Variants in CCDC51 observed in about 807,000 individuals in gnomAD.
CCDC51 encodes coiled-coil domain containing 51, also known as mitochondrial potassium channel.
A neutral mutation model predicts 24.8 loss-of-function variants in CCDC51; 25 were observed. The observed-to-expected ratio is 1.01, with a 90% CI of 0.73 to 1.41. The LOEUF (loss-of-function observed/expected upper bound fraction) is 1.41. CCDC51 is among the 40% of genes most tolerant of loss of function. The pLI, the probability that CCDC51 is intolerant of heterozygous loss-of-function variation, is 0.00. For synonymous variants in CCDC51, 190 were observed against 204.3 expected (o/e 0.93, Z 0.60); for missense variants, 466 against 519.1 (o/e 0.90, Z 0.99).
upstream of CCDC51, chr3:48,445,306 C>G (rs558740237): frequency 6.6e-6 from 1 of 152,126 alleles, no homozygotes; most frequent in East Asian, 1.9e-4. Flanking sequence ...TATGAGACTG[C>G]TAAATCAAAA....
Position 48,433,836 on chromosome 3 carries a change from G to A in CCDC51, c.348C>T (p.Val116=), listed in dbSNP as rs947495572. ...CTTCCAAGTCCTCCCGAGCCTCTCGGACAAGCCCTCGAGCCACCATGAACA... is the reference window on the plus strand; with the variant it reads ...CTTCCAAGTCCTCCCGAGCCTCTCGAACAAGCCCTCGAGCCACCATGAACA... ...EKVFMVARGL[V]REAREDLEVH... Residue 116 remains valine (V), a synonymous_variant, in exon 3 of 4, where the codon GTC becomes GTT. Coordinates refer to ENST00000395694, the MANE Select transcript of CCDC51 (RefSeq NM_001256964.2). This position sits in a 1 kb window ranked among gnomAD's most constrained non-coding sequence, Gnocchi z 4.4. 4 of 1,613,870 alleles carry A rather than the reference G, an allele frequency of 2.5e-6. No individual in the cohort carries two copies. The highest frequency in any genetic ancestry group is 3.4e-6 in the Non-Finnish European group (4 of 1,179,994).
chr3:48,439,413 C>A (rs751133991), intron 1 of CCDC51, among the ~76,000 whole-genome samples: 3 of 152,234 alleles, frequency 2.0e-5, no homozygotes, highest in Non-Finnish European at 4.4e-5. Context: ...GCGGGGGGAT[C>A]ACGAGGTCAG....
upstream of CCDC51, among the ~76,000 whole-genome samples, chr3:48,442,927 GAAC>G (rs1170080274): frequency 2.0e-5 from 3 of 151,866 alleles, no homozygotes; most frequent in Non-Finnish European, 4.4e-5. Context: ...TCACATACTT[GAAC>G]AACACCTAAC....
intron 1 of CCDC51, among the ~76,000 whole-genome samples, chr3:48,439,458 C>A (rs2039481732): frequency 6.6e-6 from 1 of 152,166 alleles, no homozygotes; most frequent in South Asian, 2.1e-4. Context: ...ATGGCGAAAC[C>A]CCGTCTCTAC....
upstream of CCDC51, chr3:48,443,957 C>G (rs1002334913): frequency 9.4e-7 from 1 of 1,064,782 alleles, no homozygotes; most frequent in Admixed American, 3.5e-5. Context: ...CCTGCCATAA[C>G]ATCTTTTGCC....
chr3:48,440,372 G>C (rs369588293), upstream of CCDC51: 18 of 1,611,834 alleles, frequency 1.1e-5, 1 homozygote, highest in Admixed American at 2.2e-4. Flanking sequence ...GGGCGGCAGG[G>C]GCAGGCCGAA....
chr3:48,440,528 T>C (rs755618284), upstream of CCDC51: 4 of 1,609,548 alleles, frequency 2.5e-6, no homozygotes, highest in South Asian at 3.3e-5. Flanking sequence ...GAACACGCTC[T>C]GCCTCTCCCC....
chr3:48,441,295 C>T (rs1339461398), upstream of CCDC51, among the ~76,000 whole-genome samples: 2 of 152,158 alleles, frequency 1.3e-5, no homozygotes, highest in East Asian at 3.9e-4. Flanking sequence ...CCACCCGCCT[C>T]AGCCTCCCAA....
chr3:48,439,326 C>A (rs2039473862), intron 1 of CCDC51, among the ~76,000 whole-genome samples: 1 of 152,252 alleles, frequency 6.6e-6, no homozygotes, highest in African/African-American at 2.4e-5. Flanking sequence ...GCGCTCAGCA[C>A]TGTTATTTAA....
chr3:48,441,468 C>G (rs1338358325), upstream of CCDC51, among the ~76,000 whole-genome samples: 2 of 148,506 alleles, frequency 1.3e-5, no homozygotes, highest in Non-Finnish European at 1.5e-5. Flanking sequence ...CAAGCGTGAG[C>G]CACAGCACCT....
At position 48,437,483 on chromosome 3, in the gene CCDC51, A is replaced by G. The variant is rs1375049506; in HGVS notation, c.-8-2347T>C. Among the ~76,000 whole-genome samples the G allele has an allele frequency of 6.6e-6, 1 of 152,116 alleles. No homozygotes were observed. Among genetic ancestry groups the G allele is most frequent in the East Asian group, 1.9e-4 (1 of 5,184 alleles). ...TGTTCCTGGCAAAGAGAAAAGGTGG[A>G]AAGTGCTTGAGGTCGCCCAAAACCT... On this transcript the variant is annotated intron_variant, in intron 1 of 3. Transcript: ENST00000395694. The surrounding 1 kb of genome is among the most constrained non-coding windows in gnomAD (Gnocchi z 4.2).
upstream of CCDC51, chr3:48,440,329 C>A (rs778825586): frequency 6.2e-7 from 1 of 1,611,544 alleles, no homozygotes; most frequent in African/African-American, 1.3e-5. Context: ...GTTCCGGAAC[C>A]GTGAGGACTG....
At chr3:48,436,883 C>T (rs975059920) in intron 1 of CCDC51, among the ~76,000 whole-genome samples, 1 of 152,226 alleles carries the variant, frequency 6.6e-6, no homozygotes, top group Non-Finnish European at 1.5e-5. Context: ...GTCCCCCACC[C>T]CCATGTTCTG....
At chr3:48,442,120 C>T (rs983918121), upstream of CCDC51, among the ~76,000 whole-genome samples, 1 of 152,014 alleles carries the variant, frequency 6.6e-6, no homozygotes, top group African/African-American at 2.4e-5. Flanking sequence ...GTAATCCCAG[C>T]TATTTAAAAG....
Position 48,437,698 on chromosome 3 carries a change from C to T in CCDC51, c.-9+2290G>A, listed in dbSNP as rs1213233457. On this transcript the variant is annotated intron_variant, in intron 1 of 3. Transcript: ENST00000395694. The surrounding 1 kb of genome is among the most constrained non-coding windows in gnomAD (Gnocchi z 4.2). ...GCCTCTATCATCTGTTCCTCATCTT[C>T]ACTTCCAGCTGATGGTCTGCTTGCT... 6.6e-6 allele frequency among the ~76,000 whole-genome samples: 1 copy of T among 152,128 alleles called. No homozygotes were observed. Among genetic ancestry groups the T allele is most frequent in the African/African-American group, 2.4e-5 (1 of 41,414 alleles).
Position 48,433,736 on chromosome 3 carries a change from G to T in CCDC51, c.448C>A (p.Leu150Met), listed in dbSNP as rs770722839. 1 of 1,613,914 alleles carries T rather than the reference G, an allele frequency of 6.2e-7. No homozygotes were observed. Among genetic ancestry groups the T allele is most frequent in the African/African-American group, 1.3e-5 (1 of 74,912 alleles). The change falls in exon 3 of 4, where the codon CTG (leucine) becomes ATG (methionine). Residue 150 changes from leucine to methionine, a missense_variant. Coordinates refer to ENST00000395694, the MANE Select transcript of CCDC51 (RefSeq NM_001256964.2). This position sits in a 1 kb window ranked among gnomAD's most constrained non-coding sequence, Gnocchi z 4.4. ...AGCATCCTGTGCTCGAGAGTAGCCA[G>T]TTCCAAGTACTGACTGTCCTCCCTG... ...VSREDSQYLE[L>M]ATLEHRMLQE...
upstream of CCDC51, chr3:48,443,806 G>T: frequency 6.5e-7 from 1 of 1,530,158 alleles, no homozygotes; most frequent in Non-Finnish European, 8.7e-7. Context: ...TCTACCGTAA[G>T]AACTATATTT....
upstream of CCDC51, among the ~76,000 whole-genome samples, chr3:48,444,765 A>T (rs1158256134): frequency 1.3e-5 from 2 of 152,188 alleles, no homozygotes; most frequent in South Asian, 2.1e-4. Context: ...AAATTACATG[A>T]TCCTTCAAGT....
At chr3:48,440,550 G>T (rs751946046), upstream of CCDC51, 1 of 1,611,728 alleles carries the variant, frequency 6.2e-7, no homozygotes, top group Non-Finnish European at 8.5e-7. Flanking sequence ...GGAAGATAAG[G>T]CTTTCAAGCA....
Sources: gnomAD v4.1 joint callset for allele counts (sites outside exome capture counted in the v4.1 genomes callset) on GRCh38, gnomAD v4.1.1 for gene constraint, Gnocchi (gnomAD v3.1) non-coding constraint, MANE v1.5 for transcripts, NCBI Gene and HGNC (gene_info 2026-07-23, HGNC 2026-07-21) for gene names.